Variants in PATJ observed in about 807,000 individuals in gnomAD.
PATJ encodes the protein inaD-like protein.
Under a neutral mutation model 224.9 loss-of-function variants are expected in PATJ, and 190 were observed. The ratio of observed to expected loss-of-function variants is 0.84; its 90% CI spans 0.75 to 0.95. The LOEUF (loss-of-function observed/expected upper bound fraction) is 0.95, where lower values mean the gene tolerates loss of function less well. Among genes scored for constraint, PATJ ranks in the 40% least tolerant of loss-of-function variants. The probability of loss-of-function intolerance (pLI) is 0.00; values close to 1 mark genes in which losing one functional copy is unlikely to be tolerated. For missense variants in PATJ, 2,121 were observed against 2,270.3 expected (o/e 0.93, Z 1.34); for synonymous variants, 769 against 820.3 (o/e 0.94, Z 1.07).
At chr1:61,771,765 G>C (rs1385044444) in intron 6 of PATJ, 139 bp downstream of exon 6, 1 of 633,054 alleles carries the variant, frequency 1.6e-6, no homozygotes, top group Non-Finnish European at 2.5e-6. Flanking sequence ...TGTTGCCCAG[G>C]CTGGAGTGCA....
chr1:62,083,612 TTAAA>T, intron 32 of PATJ, among the ~76,000 whole-genome samples: 1 of 152,362 alleles, frequency 6.6e-6, no homozygotes, highest in East Asian at 1.9e-4. Context: ...GCAATAACTT[TTAAA>T]TAAACTTTTC....
rs901299316 is a variant in PATJ, at chr1:61,964,339, C to A, written c.3671-25829C>A. Among the ~76,000 whole-genome samples the A allele has an allele frequency of 2.6e-5, 4 of 152,028 alleles. No homozygotes were observed. The East Asian group carries it at 5.8e-4, about 22-fold the overall frequency. The stretch of plus-strand genomic sequence containing the variant: ...TCAGGTAAACCTCCCACCTCAGCCT[C>A]CCAAAGTGCTGGGATTAGAGGCGTG... On this transcript the variant is annotated intron_variant, in intron 27 of 43. Transcript: ENST00000642238.
intron 33 of PATJ, among the ~76,000 whole-genome samples, chr1:62,100,046 G>A (rs1661951928): frequency 6.6e-6 from 1 of 152,182 alleles, no homozygotes; most frequent in Non-Finnish European, 1.5e-5. Flanking sequence ...CAACAATTCA[G>A]AATTTAAATC....
At chr1:61,846,752 A>G (rs1662029619) in intron 17 of PATJ, among the ~76,000 whole-genome samples, 1 of 152,050 alleles carries the variant, frequency 6.6e-6, no homozygotes, top group Non-Finnish European at 1.5e-5. Context: ...GCGCACCACC[A>G]AGCCTGGCTA....
At chr1:61,871,483 GTGTATATATGTATATA>G (rs1666515986) in intron 20 of PATJ, among the ~76,000 whole-genome samples, 1 of 100,066 alleles carries the variant, frequency 1.0e-5, no homozygotes, top group African/African-American at 3.9e-5. Flanking sequence ...ACATATATAT[GTGTATATATGTATATA>G]TACATATATA....
rs773727359 is a variant in PATJ at position 61,990,325 on chromosome 1, C to T, written c.3828C>T (p.Ala1276=). The T allele has an allele frequency of 1.2e-5, 20 of 1,613,020 alleles. No homozygotes were observed. The highest frequency in any genetic ancestry group is 2.2e-5 in the East Asian group (1 of 44,872). Residue 1276 remains alanine (A), a synonymous_variant, in exon 28 of 44, where the codon GCC becomes GCT. Coordinates refer to ENST00000642238, the MANE Select transcript of PATJ (RefSeq NM_001350145.3). ...VVGINPEGPA[A]ADGRMRIGDE... is the part of the protein sequence containing the mutation. ...GAATTAACCCGGAAGGACCTGCTGC[C>T]GCAGATGGACGAATGCGTATTGGAG...
intron 31 of PATJ, among the ~76,000 whole-genome samples, chr1:62,060,288 G>A (rs975648179): frequency 1.3e-5 from 2 of 152,180 alleles, no homozygotes; most frequent in Non-Finnish European, 2.9e-5. Context: ...TAGAGCCTGT[G>A]AGTGCTGTAG....
chr1:61,926,466 T>C (rs1301754986), intron 26 of PATJ, among the ~76,000 whole-genome samples: 1 of 152,220 alleles, frequency 6.6e-6, no homozygotes, highest in African/African-American at 2.4e-5. Flanking sequence ...TTCTGAGTAT[T>C]GTCTTTGATA....
intron 41 of PATJ, among the ~76,000 whole-genome samples, chr1:62,140,899 A>G (rs1254987070): frequency 6.6e-6 from 1 of 151,728 alleles, no homozygotes; most frequent in Non-Finnish European, 1.5e-5. Flanking sequence ...AGAGAGCAAG[A>G]CCTCATCTCT....
At chr1:61,796,657 A>ATTTTCTTTCTTTCTTTCTTTCT (rs1651169319) in intron 10 of PATJ, among the ~76,000 whole-genome samples, 4 of 139,056 alleles carry the variant, frequency 2.9e-5, no homozygotes, top group African/African-American at 1.1e-4. Context: ...GTCTAAATTT[A>ATTTTCTTTCTTTCTTTCTTTCT]TTTTCTTTCT....
At chr1:62,065,242 A>T (rs764385306) in intron 31 of PATJ, among the ~76,000 whole-genome samples, 10 of 152,186 alleles carry the variant, frequency 6.6e-5, no homozygotes, top group Non-Finnish European at 1.3e-4. Flanking sequence ...TAATGTAGAG[A>T]CACCAGGGTA....
At chr1:61,829,979 CTCATT>C (rs1659016858) in intron 16 of PATJ, among the ~76,000 whole-genome samples, 1 of 152,180 alleles carries the variant, frequency 6.6e-6, no homozygotes, top group Non-Finnish European at 1.5e-5. Context: ...AATGTTTCCA[CTCATT>C]TCAAGTTTTC....
intron 27 of PATJ, among the ~76,000 whole-genome samples, chr1:61,944,461 G>A (rs1016518814): frequency 6.6e-6 from 1 of 152,142 alleles, no homozygotes; most frequent in Admixed American, 6.5e-5. Context: ...TGATCAAGTG[G>A]AAGAAAGGGT....
chr1:62,118,048 A>C (rs763379052), intron 37 of PATJ, among the ~76,000 whole-genome samples: 19 of 152,192 alleles, frequency 1.2e-4, no homozygotes, highest in Non-Finnish European at 2.6e-4. Flanking sequence ...CTGGAAAGCT[A>C]TTAGCTGCCT....
At chr1:62,061,899 T>C (rs1328016162) in intron 31 of PATJ, among the ~76,000 whole-genome samples, 1 of 152,112 alleles carries the variant, frequency 6.6e-6, no homozygotes, top group African/African-American at 2.4e-5. Context: ...GACCTCATGA[T>C]CCACCCGCCT....
chr1:62,001,759 A>G (rs961706288), intron 28 of PATJ, among the ~76,000 whole-genome samples: 5 of 152,016 alleles, frequency 3.3e-5, no homozygotes, highest in African/African-American at 1.2e-4. Flanking sequence ...CATTGAATCT[A>G]TAAATTACCT....
chr1:62,118,027 C>T (rs984696467), intron 37 of PATJ, among the ~76,000 whole-genome samples: 1 of 152,126 alleles, frequency 6.6e-6, no homozygotes. Context: ...ACAGTTAGCA[C>T]ACAGTTACTT....
rs917423607 is a variant in PATJ at position 61,766,560 on chromosome 1, G to A, written c.384+87G>A. 12 of 902,378 alleles carry A rather than the reference G, an allele frequency of 1.3e-5. 1 individual carries two copies. The South Asian group carries it at 1.9e-4, about 15-fold the overall frequency. The allele number at this position is 902,378 out of a possible 1,614,324, so 55.9% of individuals were successfully genotyped here. A position where few individuals can be genotyped will look rare whatever the true frequency, so the allele number is the denominator to read the frequency against. ...GGAGCTTATACTCATTCTTTTTGCT[G>A]TAAAATGTATTAGTATGTATTTTGC... On this transcript the variant is annotated intron_variant, in intron 4 of 43. Coordinates refer to ENST00000642238, the MANE Select transcript of PATJ (RefSeq NM_001350145.3).
chr1:61,925,900 G>A (rs1675125200), intron 26 of PATJ, among the ~76,000 whole-genome samples: 1 of 152,094 alleles, frequency 6.6e-6, no homozygotes, highest in Non-Finnish European at 1.5e-5. Flanking sequence ...GTCTTACAGG[G>A]CAATAAAACT....
Sources: allele counts gnomAD v4.1 joint callset (sites outside exome capture counted in the v4.1 genomes callset), GRCh38; gene constraint gnomAD v4.1.1; transcripts MANE v1.5; gene names NCBI Gene and HGNC (gene_info 2026-07-23, HGNC 2026-07-21).